The following IDE variants were observed in gnomAD, a reference collection of about 807,000 sequenced individuals.
IDE encodes the protein insulin-degrading enzyme.
In IDE, 58 loss-of-function variants were observed where a neutral mutation model predicts 133.2. The observed-to-expected ratio is 0.44, with a 90% CI of 0.35 to 0.54. IDE has a LOEUF of 0.54. IDE is among the 20% of genes least tolerant of loss of function. The pLI is 0.00. For synonymous variants in IDE, 396 were observed against 421.3 expected (o/e 0.94, Z 0.73); for missense variants, 981 against 1,234.0 (o/e 0.79, Z 3.07).
chr10:92,485,369 T>G (rs1846926869), intron 13 of IDE, among the ~76,000 whole-genome samples: 2 of 152,152 alleles, frequency 1.3e-5, no homozygotes, highest in Admixed American at 1.3e-4. Context: ...TCCACTCGCC[T>G]CAGCCTCCCA....
At chr10:92,571,244 C>A (rs541390265) in intron 1 of IDE, among the ~76,000 whole-genome samples, 1 of 152,158 alleles carries the variant, frequency 6.6e-6, no homozygotes, top group Admixed American at 6.5e-5. Flanking sequence ...GAACTCCTGA[C>A]CTCAAGTGAT....
chr10:92,521,693 T>A (rs1849234403), intron 4 of IDE, among the ~76,000 whole-genome samples: 1 of 151,396 alleles, frequency 6.6e-6, no homozygotes, highest in East Asian at 1.9e-4. Flanking sequence ...AAAATTAAAA[T>A]AATAATAATA....
At chr10:92,511,714 G>C (rs1244824517) in intron 5 of IDE, among the ~76,000 whole-genome samples, 1 of 151,926 alleles carries the variant, frequency 6.6e-6, no homozygotes. Flanking sequence ...CATGTATGAA[G>C]GACTCCAAAA....
At chr10:92,473,196 C>T (rs893645538) in intron 17 of IDE, among the ~76,000 whole-genome samples, 1 of 151,982 alleles carries the variant, frequency 6.6e-6, no homozygotes, top group Non-Finnish European at 1.5e-5. Flanking sequence ...TCCTAAAGTG[C>T]TGGGATTACA....
intron 11 of IDE, among the ~76,000 whole-genome samples, chr10:92,501,047 AAAAAAAAGAAAAAG>A (rs201814041): frequency 0.032 from 4,843 of 150,496 alleles, 117 homozygotes; most frequent in Admixed American, 0.056. Context: ...TCTCAGAAAA[AAAAAAAAGAAAAAG>A]AAAAAAAGAA....
chr10:92,482,150 C>T (rs1846648751), intron 14 of IDE, among the ~76,000 whole-genome samples: 1 of 152,134 alleles, frequency 6.6e-6, no homozygotes, highest in Non-Finnish European at 1.5e-5. Flanking sequence ...AGCATTTAAA[C>T]CTTATCTACC....
chr10:92,485,022 C>A (rs1846885200), intron 13 of IDE, among the ~76,000 whole-genome samples: 1 of 151,806 alleles, frequency 6.6e-6, no homozygotes, highest in Non-Finnish European at 1.5e-5. Context: ...CACCACTTCA[C>A]CCCAGCCTGG....
intron 17 of IDE, among the ~76,000 whole-genome samples, 195 bp from the exon 18 acceptor site, chr10:92,470,540 A>G (rs961188137): frequency 2.0e-5 from 3 of 152,224 alleles, no homozygotes; most frequent in Admixed American, 6.5e-5. Context: ...ACTATTAACT[A>G]AAGTACAGAC....
At chr10:92,491,246 A>C (rs1847323277) in intron 11 of IDE, among the ~76,000 whole-genome samples, 2 of 151,950 alleles carry the variant, frequency 1.3e-5, no homozygotes, top group Admixed American at 1.3e-4. Context: ...TCTTTAAAAA[A>C]AAAAAAACCA....
intron 2 of IDE, among the ~76,000 whole-genome samples, chr10:92,535,938 A>G (rs1385564065): frequency 1.3e-5 from 2 of 151,790 alleles, no homozygotes; most frequent in Non-Finnish European, 2.9e-5. Flanking sequence ...AGGGAGGCTG[A>G]GGTAGGAAAA....
intron 1 of IDE, among the ~76,000 whole-genome samples, chr10:92,538,857 A>G (rs550419847): frequency 8.5e-4 from 130 of 152,112 alleles, no homozygotes; most frequent in African/African-American, 3.0e-3. Context: ...AGCCAAAAAC[A>G]TATCTGGAAC....
At chr10:92,501,804 A>C (rs1848036784) in intron 11 of IDE, among the ~76,000 whole-genome samples, 1 of 151,728 alleles carries the variant, frequency 6.6e-6, no homozygotes, top group South Asian at 2.1e-4. Context: ...GTGAAACCCC[A>C]TCTCTACTAA....
chr10:92,491,839 G>A (rs1477243892), intron 11 of IDE, among the ~76,000 whole-genome samples: 2 of 151,618 alleles, frequency 1.3e-5, no homozygotes, highest in Non-Finnish European at 2.9e-5. Context: ...TTGAACTCCT[G>A]ACCTCAGGTG....
chr10:92,477,986 C>T (rs958388752), intron 15 of IDE, among the ~76,000 whole-genome samples: 3 of 152,024 alleles, frequency 2.0e-5, no homozygotes, highest in Non-Finnish European at 4.4e-5. Flanking sequence ...ATTTAAACAA[C>T]GAGTACCCCA....
At chr10:92,498,059 G>A (rs1410995787) in intron 11 of IDE, among the ~76,000 whole-genome samples, 1 of 152,088 alleles carries the variant, frequency 6.6e-6, no homozygotes, top group Non-Finnish European at 1.5e-5. Flanking sequence ...AACACTTTTT[G>A]ACTTTGCTAA....
chr10:92,470,292 G>A lies in IDE; in HGVS notation c.2170C>T (p.His724Tyr), dbSNP rs1845897611. The A allele has an allele frequency of 6.2e-7, 1 of 1,605,920 alleles. No homozygotes were observed. The highest frequency in any genetic ancestry group is 1.3e-5 in the African/African-American group (1 of 74,826). ...TTTCCATGGAGAAGGGCTTCAATGT[G>A]CAGCCGTGACAGGAGCTGAGGTATG... ...AFIPQLLSRL[H>Y]IEALLHGNIT... The change falls in exon 18 of 25, where the codon CAC becomes TAC. Residue 724 changes from histidine (H) to tyrosine (Y), a missense_variant. Transcript: ENST00000265986.
intron 1 of IDE, among the ~76,000 whole-genome samples, chr10:92,546,728 T>A (rs1842547687): frequency 6.6e-6 from 1 of 152,244 alleles, no homozygotes; most frequent in Non-Finnish European, 1.5e-5. Context: ...AGGACTTTAC[T>A]CATTACATAT....
At chr10:92,527,214 C>T (rs1461415721) in intron 4 of IDE, among the ~76,000 whole-genome samples, 1 of 152,084 alleles carries the variant, frequency 6.6e-6, no homozygotes, top group African/African-American at 2.4e-5. Flanking sequence ...TAAGAAAGAA[C>T]TATATTTTTT....
intron 7 of IDE, 40 bp from the exon 8 acceptor site, chr10:92,508,245 T>C (rs374686199): frequency 3.4e-6 from 5 of 1,490,540 alleles, no homozygotes; most frequent in Non-Finnish European, 4.6e-6. Flanking sequence ...TGATTGCATA[T>C]GTGGCTTCCT....
Sources: gnomAD v4.1 joint callset for allele counts (sites outside exome capture counted in the v4.1 genomes callset) on GRCh38, gnomAD v4.1.1 for gene constraint, MANE v1.5 for transcripts, NCBI Gene and HGNC (gene_info 2026-07-23, HGNC 2026-07-21) for gene names.